The following DCDC1 variants were observed in gnomAD, a reference collection of about 807,000 sequenced individuals.
DCDC1 encodes doublecortin domain-containing protein 1.
In DCDC1, 200 loss-of-function variants were observed where a neutral mutation model predicts 178.3. The ratio of observed to expected loss-of-function variants is 1.12; its 90% confidence interval spans 1.00 to 1.26. DCDC1 has a LOEUF of 1.26. Ranked by LOEUF, DCDC1 falls within the 50% of genes most tolerant of loss-of-function variation. The pLI is 0.00. For synonymous variants in DCDC1, 690 were observed against 604.8 expected (o/e 1.14, Z -2.07); for missense variants, 1,983 against 1,749.2 (o/e 1.13, Z -2.38).
chr11:31,297,664 A>G (rs1263330825), intron 6 of DCDC1, among the ~76,000 whole-genome samples: 1 of 152,142 alleles, frequency 6.6e-6, no homozygotes, highest in Non-Finnish European at 1.5e-5. Flanking sequence ...GCCATTATTA[A>G]CAAATGCTTC....
At chr11:31,213,359 T>G (rs1973072341) in intron 9 of DCDC1, among the ~76,000 whole-genome samples, 1 of 151,788 alleles carries the variant, frequency 6.6e-6, no homozygotes, top group Non-Finnish European at 1.5e-5. Context: ...CTGAGTCTAT[T>G]TATCAATTTG....
intron 9 of DCDC1, among the ~76,000 whole-genome samples, chr11:31,201,055 A>G (rs957390890): frequency 2.0e-5 from 3 of 151,990 alleles, no homozygotes; most frequent in African/African-American, 7.2e-5. Context: ...GATGATTGTC[A>G]GTCCACTCCA....
At chr11:31,153,188 G>A (rs1237900440) in intron 9 of DCDC1, among the ~76,000 whole-genome samples, 2 of 152,200 alleles carry the variant, frequency 1.3e-5, no homozygotes, top group Admixed American at 6.5e-5. Context: ...CTACAGGTTA[G>A]AAACCCAAGC....
At chr11:31,069,892 G>T (rs1956452004) in intron 18 of DCDC1, among the ~76,000 whole-genome samples, 1 of 152,164 alleles carries the variant, frequency 6.6e-6, no homozygotes, top group African/African-American at 2.4e-5. Flanking sequence ...CCATGATGTG[G>T]CTGAACATTC....
chr11:30,896,050 T>G (rs1944183956), intron 34 of DCDC1, among the ~76,000 whole-genome samples: 1 of 152,184 alleles, frequency 6.6e-6, no homozygotes, highest in Admixed American at 6.5e-5. Context: ...CTAACGGTCT[T>G]AAGAAAATGA....
rs1404099524 is a variant in DCDC1 at position 30,952,580 on chromosome 11, G to C, written c.2592-12C>G. The C allele has an allele frequency of 2.6e-6, 3 of 1,169,850 alleles. No individual in the cohort carries two copies. The highest frequency in any genetic ancestry group is 4.0e-4 in the Middle Eastern group (2 of 5,048). 72.5% of individuals were successfully genotyped at this position (1,169,850 alleles called of 1,614,324 possible). On this transcript the variant is annotated splice_polypyrimidine_tract_variant and intron_variant, in intron 20 of 38. Transcript: ENST00000684477. ...GTTTTATGGCCCACCTAAAACAAAA[G>C]ATAAAAAACAAAAAGAAATTTAGCA... is the stretch of plus-strand genomic sequence containing the variant.
In DCDC1 at chr11:31,128,847, T is replaced by G. The variant is rs1207950284; in HGVS notation, c.1315-1208A>C. Among the ~76,000 whole-genome samples the G allele has an allele frequency of 2.0e-5, 3 of 152,310 alleles. No homozygotes were observed. The East Asian group carries it at 5.8e-4, about 29-fold the overall frequency. On this transcript the variant is annotated intron_variant, in intron 10 of 38. Transcript: ENST00000684477. ...TAGTGTTTCCTTTTTGAAATCTAGG[T>G]GTTTTCTGCATAACAAGTTTTAATT...
chr11:31,141,821 GAGA>G (rs757801585), intron 9 of DCDC1, among the ~76,000 whole-genome samples: 16 of 152,178 alleles, frequency 1.1e-4, no homozygotes, highest in Non-Finnish European at 1.9e-4. Context: ...AGAACAAATG[GAGA>G]AGAAGTAGTT....
At chr11:31,336,393 T>C (rs1449485578) in intron 1 of DCDC1, among the ~76,000 whole-genome samples, 1 of 152,152 alleles carries the variant, frequency 6.6e-6, no homozygotes, top group Non-Finnish European at 1.5e-5. Context: ...GATGAATAGA[T>C]GAACAAGGAA....
At position 30,931,768 on chromosome 11, in the gene DCDC1, T is replaced by C. The variant is rs1232817383; in HGVS notation, c.2897+3A>G. On this transcript the variant is annotated splice_donor_region_variant and intron_variant, in intron 22 of 38. Transcript: ENST00000684477. ...TTAATAAGTATGAACAAGTTGTTCT[T>C]ACTGCGTTTTCCGTCCAGGTGAGAT... The C allele has an allele frequency of 6.2e-7, 1 of 1,608,314 alleles. No homozygotes were observed. Among genetic ancestry groups the C allele is most frequent in the Admixed American group, 1.7e-5 (1 of 59,270 alleles).
chr11:31,279,892 AAAT>A (rs907008156), intron 7 of DCDC1, among the ~76,000 whole-genome samples: 16 of 152,052 alleles, frequency 1.1e-4, no homozygotes, highest in East Asian at 1.9e-4. Flanking sequence ...TAATAAATTA[AAAT>A]AATAATAATA....
intron 6 of DCDC1, 143 bp downstream of exon 6, chr11:31,305,472 T>C (rs1314277680): frequency 9.2e-7 from 1 of 1,082,122 alleles, no homozygotes; most frequent in East Asian, 2.6e-5. Flanking sequence ...ATTAAGCACA[T>C]TATCCTCTTA....
chr11:31,270,312 CACATTTGATCATTT>C (rs1226837541), intron 7 of DCDC1, among the ~76,000 whole-genome samples: 1 of 152,158 alleles, frequency 6.6e-6, no homozygotes, highest in Non-Finnish European at 1.5e-5. Context: ...GTAAAACAGC[CACATTTGATCATTT>C]ACATATCTTC....
At chr11:31,305,338 A>G (rs1445474694) in intron 6 of DCDC1, among the ~76,000 whole-genome samples, 1 of 152,122 alleles carries the variant, frequency 6.6e-6, no homozygotes, top group African/African-American at 2.4e-5. Context: ...TCTCTGATTT[A>G]ATTTATTATA....
intron 9 of DCDC1, among the ~76,000 whole-genome samples, chr11:31,143,910 A>G (rs1036348259): frequency 6.6e-6 from 1 of 152,188 alleles, no homozygotes; most frequent in Non-Finnish European, 1.5e-5. Context: ...ATCCTTGCTA[A>G]TTCTTTGAAT....
intron 9 of DCDC1, among the ~76,000 whole-genome samples, chr11:31,145,999 A>C (rs1964405905): frequency 6.6e-6 from 1 of 151,852 alleles, no homozygotes; most frequent in Non-Finnish European, 1.5e-5. Context: ...TTTCTTCCTG[A>C]GCTCTCACCC....
chr11:31,152,222 ACT>A (rs1384419868), intron 9 of DCDC1, among the ~76,000 whole-genome samples: 1 of 152,198 alleles, frequency 6.6e-6, no homozygotes, highest in Non-Finnish European at 1.5e-5. Context: ...ATAGAAGCAC[ACT>A]GTCTTTTTAT....
At chr11:31,256,115 C>A (rs1401165260) in intron 8 of DCDC1, among the ~76,000 whole-genome samples, 3 of 152,146 alleles carry the variant, frequency 2.0e-5, no homozygotes, top group Non-Finnish European at 4.4e-5. Flanking sequence ...ACACCTTTGT[C>A]AAAAGTCAAT....
chr11:31,213,285 G>A (rs183891526), intron 9 of DCDC1, among the ~76,000 whole-genome samples: 2 of 151,654 alleles, frequency 1.3e-5, no homozygotes, highest in African/African-American at 2.4e-5. Context: ...ATGTCAAAAT[G>A]ATCTTTTCAA....
Sources: gnomAD v4.1 joint callset for allele counts (sites outside exome capture counted in the v4.1 genomes callset) on GRCh38, gnomAD v4.1.1 for gene constraint, MANE v1.5 for transcripts, NCBI Gene and HGNC (gene_info 2026-07-23, HGNC 2026-07-21) for gene names.